Variants in ABCA13 observed in about 807,000 individuals in gnomAD.
ABCA13 encodes the protein ATP binding cassette subfamily A member 13, also known as ATP-binding cassette sub-family A member 13.
A neutral mutation model predicts 478.7 loss-of-function variants in ABCA13; 476 were observed. That is an observed-to-expected ratio of 0.99 (90% CI 0.92 to 1.07). The LOEUF (loss-of-function observed/expected upper bound fraction) is 1.07. Among genes scored for constraint, ABCA13 ranks in the 50% least tolerant of loss-of-function variants. The pLI is 0.00. For synonymous variants in ABCA13, 2,252 were observed against 2,158.9 expected (o/e 1.04, Z -1.20); for missense variants, 6,060 against 5,910.6 (o/e 1.03, Z -0.83).
At chr7:48,611,967 C>T (rs1792067875) in intron 58 of ABCA13, 1 of 152,098 alleles carries the variant, frequency 6.6e-6, no homozygotes, top group Admixed American at 6.5e-5. Flanking sequence ...TGACATGTAT[C>T]TCTTGGACTT....
At chr7:48,637,449 T>C (rs1232373593) in intron 59 of ABCA13, among the ~76,000 whole-genome samples, 1 of 136,816 alleles carries the variant, frequency 7.3e-6, no homozygotes, top group Non-Finnish European at 1.5e-5. Context: ...ATGACTACTT[T>C]AGCTCTCTTG....
chr7:48,245,986 G>T lies in ABCA13; in HGVS notation c.1615G>T (p.Glu539Ter), dbSNP rs757927428. The T allele has an allele frequency of 1.2e-5, 19 of 1,613,744 alleles. No homozygotes were observed. The highest frequency in any genetic ancestry group is 1.6e-5 in the Non-Finnish European group (19 of 1,179,766). The change falls in exon 13 of 62, where the codon GAG (glutamate) becomes TAG (stop). Residue 539 changes from glutamate (E) to a stop codon, truncating the protein, a stop_gained. Transcript: ENST00000435803. LOFTEE classifies it high-confidence loss of function. ...ACTGTTGTGCTATTGTAACTCCTCT[G>T]AGACGAGTGTTTTAAACAAGCTACT... ...QGLLCYCNSSETSVLNKLLGS... is the reference protein window; with the variant it reads ...QGLLCYCNSS
chr7:48,557,592 T>C (rs1785974227), intron 55 of ABCA13, among the ~76,000 whole-genome samples: 1 of 152,190 alleles, frequency 6.6e-6, no homozygotes, highest in South Asian at 2.1e-4. Flanking sequence ...TTGTATGTTA[T>C]TTGTTTCCTT....
intron 3 of ABCA13, among the ~76,000 whole-genome samples, chr7:48,216,979 A>G (rs1210583758): frequency 1.3e-5 from 2 of 152,200 alleles, no homozygotes; most frequent in Non-Finnish European, 2.9e-5. Context: ...TGTATATTTC[A>G]TTAAATGTAT....
chr7:48,350,937 A>G (rs1808876984), intron 30 of ABCA13, 118 bp downstream of exon 30: 1 of 1,056,960 alleles, frequency 9.5e-7, no homozygotes, highest in Non-Finnish European at 1.3e-6. Flanking sequence ...AGTCCTTTCC[A>G]GATAAAACAT....
chr7:48,637,399 A>AAAAAAAAAAAAAAAAAAAAAAAAAAAAG (rs1794748489), intron 59 of ABCA13, among the ~76,000 whole-genome samples: 1 of 147,718 alleles, frequency 6.8e-6, no homozygotes. Flanking sequence ...AAAAAAAAAA[A>AAAAAAAAAAAAAAAAAAAAAAAAAAAAG]AAAAAAACAG....
At position 48,594,780 on chromosome 7, in the gene ABCA13, G is replaced by A. The variant is rs764580692; in HGVS notation, c.14711G>A (p.Arg4904Gln). ...YLWQTIMKEVREGCAAVLTSH... is the reference protein window; with the variant it reads ...YLWQTIMKEVQEGCAAVLTSH... ...TGGCAAACAATAATGAAGGAGGTTC[G>A]GGAAGGCTGTGCTGCGGTGCTGACC... The change falls in exon 58 of 62, where the codon CGG becomes CAG. Residue 4904 changes from arginine (R) to glutamine (Q), a missense_variant. This residue lies in a region of ABCA13 where 1,627 missense variants were observed against 1,571.0 expected (regional missense o/e 1.04). Transcript: ENST00000435803. 6.2e-6 allele frequency: 10 copies of A among 1,613,810 alleles called. No homozygotes were observed. The highest frequency in any genetic ancestry group is 1.6e-4 in the Middle Eastern group (1 of 6,082).
chr7:48,334,904 T>A (rs937131712), intron 27 of ABCA13, among the ~76,000 whole-genome samples: 2 of 152,262 alleles, frequency 1.3e-5, no homozygotes, highest in African/African-American at 4.8e-5. Flanking sequence ...AGTCCTTTTA[T>A]CTTGAGAGAG....
intron 23 of ABCA13, among the ~76,000 whole-genome samples, chr7:48,303,059 G>C (rs933318303): frequency 6.6e-6 from 1 of 151,992 alleles, no homozygotes; most frequent in Non-Finnish European, 1.5e-5. Flanking sequence ...ATCTCATTGT[G>C]GTTTTGATTT....
chr7:48,248,431 C>G lies in ABCA13; in HGVS notation c.1852C>G (p.Leu618Val), dbSNP rs865971519. The change falls in exon 14 of 62, where the codon CTT becomes GTT. Residue 618 changes from leucine to valine, a missense_variant. Leu to Val is a conservative substitution (Grantham distance 32). Coordinates refer to ENST00000435803, the MANE Select transcript of ABCA13 (RefSeq NM_152701.5). The stretch of plus-strand genomic sequence containing the variant: ...CTTTTCTAGTGACTGTAAGCACCAG[C>G]TTGTCTCCACAGTGTAAGTACATGT... ...DVFSSDCKHQ[L>V]VSTVIFHTLE... 6.2e-6 allele frequency: 10 copies of G among 1,604,856 alleles called. No homozygotes were observed. The highest frequency in any genetic ancestry group is 1.7e-4 in the Middle Eastern group (1 of 5,994).
intron 31 of ABCA13, among the ~76,000 whole-genome samples, chr7:48,359,829 G>A (rs1810540336): frequency 1.3e-5 from 2 of 152,004 alleles, no homozygotes; most frequent in African/African-American, 4.8e-5. Context: ...ACACGCCCAT[G>A]ACTTTTCTGT....
At chr7:48,575,970 G>A (rs550687817) in intron 55 of ABCA13, among the ~76,000 whole-genome samples, 15 of 152,054 alleles carry the variant, frequency 9.9e-5, no homozygotes, top group East Asian at 9.7e-4. Flanking sequence ...TGATTCTGCC[G>A]GTACTGAACA....
At chr7:48,176,127 G>A (rs1583963762) in intron 1 of ABCA13, among the ~76,000 whole-genome samples, 1 of 152,084 alleles carries the variant, frequency 6.6e-6, no homozygotes, top group Non-Finnish European at 1.5e-5. Context: ...TTGACACCTT[G>A]GATCTCTGTT....
chr7:48,178,643 C>G (rs1322258452), intron 1 of ABCA13, among the ~76,000 whole-genome samples: 1 of 151,190 alleles, frequency 6.6e-6, no homozygotes, highest in Non-Finnish European at 1.5e-5. Flanking sequence ...CCATTGCACT[C>G]CAGCCTGGGT....
chr7:48,211,047 T>G (rs905130481), intron 3 of ABCA13, among the ~76,000 whole-genome samples: 1 of 152,212 alleles, frequency 6.6e-6, no homozygotes, highest in African/African-American at 2.4e-5. Context: ...ATTTATATTA[T>G]TATATTTATA....
At chr7:48,335,938 T>G (rs1282781455) in intron 28 of ABCA13, among the ~76,000 whole-genome samples, 1 of 152,236 alleles carries the variant, frequency 6.6e-6, no homozygotes, top group Non-Finnish European at 1.5e-5. Context: ...CATTAGAGTC[T>G]GACAATCATT....
chr7:48,516,967 T>G (rs1156524486), intron 52 of ABCA13, 86 bp downstream of exon 52: 1 of 1,418,128 alleles, frequency 7.1e-7, no homozygotes, highest in African/African-American at 1.4e-5. Flanking sequence ...GTTGCTTTTC[T>G]GACTGGAATT....
At chr7:48,467,892 T>C (rs1035016394) in intron 44 of ABCA13, among the ~76,000 whole-genome samples, 6 of 152,240 alleles carry the variant, frequency 3.9e-5, no homozygotes, top group Non-Finnish European at 8.8e-5. Context: ...AAACTATTAA[T>C]GTTCTCAGTA....
chr7:48,225,368 C>A lies in ABCA13; in HGVS notation c.469-1894C>A, dbSNP rs951661041. 2.0e-5 allele frequency among the ~76,000 whole-genome samples: 3 copies of A among 151,942 alleles called. No individual in the cohort carries two copies. In the East Asian group the frequency reaches 5.8e-4, roughly 29 times the overall value. On this transcript the variant is annotated intron_variant, in intron 5 of 61. Coordinates refer to ENST00000435803, the MANE Select transcript of ABCA13 (RefSeq NM_152701.5). ...TCCAAGGATGCCTAACACACAGTTA[C>A]GAAAGGCTGACTGTACTTCACTGTA...
Sources: gnomAD v4.1 joint callset for allele counts (sites outside exome capture counted in the v4.1 genomes callset) on GRCh38, gnomAD v4.1.1 for gene constraint, gnomAD v4.1.1 regional missense constraint, MANE v1.5 for transcripts, NCBI Gene and HGNC (gene_info 2026-07-23, HGNC 2026-07-21) for gene names.